Variants in FMN1 observed in about 807,000 individuals in gnomAD.
The protein encoded by FMN1 is formin 1.
FMN1 carries 110 observed loss-of-function variants against 132.4 expected under a neutral mutation model. That is an observed-to-expected ratio of 0.83 (90% CI 0.71 to 0.97). The LOEUF (loss-of-function observed/expected upper bound fraction) is 0.97, where lower values mean the gene tolerates loss of function less well. Among genes scored for constraint, FMN1 ranks in the 50% least tolerant of loss-of-function variants. The probability of loss-of-function intolerance (pLI) is 0.00; values close to 1 mark genes in which losing one functional copy is unlikely to be tolerated. For missense variants in FMN1, 1,792 were observed against 1,705.3 expected (o/e 1.05, Z -0.90); for synonymous variants, 722 against 651.7 (o/e 1.11, Z -1.64).
chr15:33,011,852 T>G (rs2034746248), intron 6 of FMN1, among the ~76,000 whole-genome samples: 1 of 152,170 alleles, frequency 6.6e-6, no homozygotes, highest in Non-Finnish European at 1.5e-5. Flanking sequence ...TGCTCCTTAT[T>G]AGTAATCAGG....
rs372909178 is a variant in FMN1 at position 32,969,431 on chromosome 15, A to G, written c.2270T>C (p.Met757Thr). The G allele has an allele frequency of 7.4e-6, 12 of 1,613,868 alleles. No homozygotes were observed. Among genetic ancestry groups the G allele is most frequent in the Non-Finnish European group, 1.0e-5 (12 of 1,179,898 alleles). Residue 757 changes from methionine to threonine, a missense_variant, in exon 8 of 21, where the codon ATG becomes ACG. Met to Thr is a moderately conservative substitution (Grantham distance 81, BLOSUM62 -1). This residue lies in a region of FMN1 where 1,150 missense variants were observed against 1,043.1 expected (regional missense o/e 1.10). Transcript: ENST00000616417. ...RAFHIRGEHA[M>T]ITARLEETIE... ...GGTTTCTTCTAGTCTCGCTGTTATC[A>G]TTGCATGCTCGCCCCGGATATGAAA... is the stretch of plus-strand genomic sequence containing the variant.
At chr15:33,192,733 A>G (rs1257718339) in intron 2 of FMN1, among the ~76,000 whole-genome samples, 30 of 152,218 alleles carry the variant, frequency 2.0e-4, no homozygotes, top group Admixed American at 2.0e-3. Context: ...ATGGAAAAAA[A>G]TGCATAATTT....
chr15:32,828,235 C>T (rs2058418677), intron 17 of FMN1, among the ~76,000 whole-genome samples: 1 of 152,180 alleles, frequency 6.6e-6, no homozygotes, highest in Non-Finnish European at 1.5e-5. Context: ...GATTGCACCA[C>T]TGCACTCCAG....
chr15:32,934,738 C>A (rs988815955), intron 9 of FMN1, among the ~76,000 whole-genome samples: 4 of 151,344 alleles, frequency 2.6e-5, no homozygotes, highest in African/African-American at 9.7e-5. Flanking sequence ...TCCCAAGTAG[C>A]TGAGATTATA....
At chr15:33,149,607 G>A (rs1964364389) in intron 4 of FMN1, among the ~76,000 whole-genome samples, 1 of 152,156 alleles carries the variant, frequency 6.6e-6, no homozygotes, top group South Asian at 2.1e-4. Flanking sequence ...TCTCAAAAGT[G>A]CATAGCAACA....
chr15:33,108,145 C>G (rs900340985), intron 4 of FMN1, among the ~76,000 whole-genome samples: 1 of 151,968 alleles, frequency 6.6e-6, no homozygotes, highest in African/African-American at 2.4e-5. Flanking sequence ...GTGTGTGTGT[C>G]ATGTTTTTAC....
intron 6 of FMN1, among the ~76,000 whole-genome samples, chr15:33,011,262 G>A (rs1214707103): frequency 6.6e-6 from 1 of 152,050 alleles, no homozygotes; most frequent in Non-Finnish European, 1.5e-5. Context: ...GATTTATAGG[G>A]TCACTTGATA....
chr15:32,811,299 G>C (rs1245308928), intron 17 of FMN1, among the ~76,000 whole-genome samples: 1 of 152,176 alleles, frequency 6.6e-6, no homozygotes, highest in African/African-American at 2.4e-5. Flanking sequence ...GTCTGTCAGA[G>C]CAAGTGTCTA....
chr15:33,129,832 G>A (rs527903152), intron 4 of FMN1, among the ~76,000 whole-genome samples: 27 of 132,826 alleles, frequency 2.0e-4, no homozygotes, highest in African/African-American at 6.3e-4. Context: ...TCGTTCTGTC[G>A]CCCAGGCTGG....
intron 17 of FMN1, among the ~76,000 whole-genome samples, chr15:32,807,526 G>A (rs1040833100): frequency 7.2e-5 from 11 of 152,192 alleles, no homozygotes; most frequent in East Asian, 3.8e-4. Context: ...TCTGAGGCCC[G>A]AGTGATCTTC....
chr15:32,953,655 T>G (rs2061700672), intron 9 of FMN1, among the ~76,000 whole-genome samples: 1 of 152,134 alleles, frequency 6.6e-6, no homozygotes, highest in African/African-American at 2.4e-5. Flanking sequence ...TTGTCTGGTG[T>G]AACCTGAGCT....
At chr15:33,020,612 T>C (rs1481421206) in intron 6 of FMN1, among the ~76,000 whole-genome samples, 2 of 143,748 alleles carry the variant, frequency 1.4e-5, no homozygotes, top group Non-Finnish European at 1.5e-5. Flanking sequence ...CACTCCAGCC[T>C]GGGAGACAAG....
intron 3 of FMN1, among the ~76,000 whole-genome samples, chr15:33,155,610 G>C (rs754715581): frequency 6.6e-6 from 1 of 152,198 alleles, no homozygotes; most frequent in African/African-American, 2.4e-5. Context: ...AAATTTCAAT[G>C]TAAAAGTTTA....
At chr15:32,821,478 G>T (rs1265451217) in intron 17 of FMN1, among the ~76,000 whole-genome samples, 2 of 121,420 alleles carry the variant, frequency 1.6e-5, no homozygotes, top group Non-Finnish European at 3.2e-5. Flanking sequence ...TTGAGATGGA[G>T]TCTTGCTCTG....
At chr15:33,161,693 C>T (rs112944816) in intron 3 of FMN1, among the ~76,000 whole-genome samples, 12 of 152,036 alleles carry the variant, frequency 7.9e-5, no homozygotes, top group South Asian at 6.2e-4. Flanking sequence ...CTGAGGCGGG[C>T]GGATCACAAG....
At chr15:33,029,696 A>G (rs1386956417) in intron 6 of FMN1, among the ~76,000 whole-genome samples, 1 of 152,126 alleles carries the variant, frequency 6.6e-6, no homozygotes, top group African/African-American at 2.4e-5. Flanking sequence ...GCATTAAAGA[A>G]TCTCAGTGTC....
intron 16 of FMN1, among the ~76,000 whole-genome samples, chr15:32,861,007 A>T (rs975457478): frequency 6.6e-6 from 1 of 152,174 alleles, no homozygotes; most frequent in African/African-American, 2.4e-5. Context: ...GGCCACATAA[A>T]CTTTCCTGAT....
At chr15:33,043,381 A>T (rs1202544539) in intron 6 of FMN1, among the ~76,000 whole-genome samples, 1 of 152,206 alleles carries the variant, frequency 6.6e-6, no homozygotes, top group Non-Finnish European at 1.5e-5. Context: ...GTGTTCAAAT[A>T]AGACAAATGC....
At chr15:33,006,443 T>C (rs922423153) in intron 7 of FMN1, among the ~76,000 whole-genome samples, 21 of 152,120 alleles carry the variant, frequency 1.4e-4, no homozygotes, top group African/African-American at 4.8e-4. Context: ...ACACTGTTGG[T>C]AGGAATGTAA....
Sources: allele counts gnomAD v4.1 joint callset (sites outside exome capture counted in the v4.1 genomes callset), GRCh38; gene constraint gnomAD v4.1.1; regional missense constraint gnomAD v4.1.1; transcripts MANE v1.5; gene names NCBI Gene and HGNC (gene_info 2026-07-23, HGNC 2026-07-21).